The following CD80 variants were observed in gnomAD, a reference collection of about 807,000 sequenced individuals.
CD80 encodes CD80 molecule.
In CD80, 13 loss-of-function variants were observed where a neutral mutation model predicts 27.1. The ratio of observed to expected loss-of-function variants is 0.48; its 90% CI spans 0.31 to 0.76. The LOEUF (loss-of-function observed/expected upper bound fraction) is 0.76. CD80 is among the 30% of genes least tolerant of loss of function. The pLI, the probability that CD80 is intolerant of heterozygous loss-of-function variation, is 0.04. For missense variants in CD80, 277 were observed against 347.9 expected, an observed-to-expected ratio of 0.80 and a Z score of 1.62; for synonymous variants, 125 against 125.5, an observed-to-expected ratio of 1.00 and a Z score of 0.03.
intron 2 of CD80, among the ~76,000 whole-genome samples, chr3:119,547,464 A>C (rs1342155114): frequency 6.6e-6 from 1 of 152,220 alleles, no homozygotes; most frequent in Non-Finnish European, 1.5e-5. Context: ...TACATGCATT[A>C]CAAAACACAT....
intron 2 of CD80, among the ~76,000 whole-genome samples, chr3:119,548,721 A>G (rs2082214071): frequency 6.6e-6 from 1 of 151,912 alleles, no homozygotes; most frequent in Admixed American, 6.6e-5. Context: ...CAGCCCTACC[A>G]CTGAGCCCTT....
chr3:119,547,995 T>G (rs2107746153), intron 2 of CD80, among the ~76,000 whole-genome samples: 1 of 152,000 alleles, frequency 6.6e-6, no homozygotes, highest in Admixed American at 6.6e-5. Context: ...TTTCTTTTTT[T>G]TTTTGAGACG....
chr3:119,528,117 A>C (rs2082088887), intron 5 of CD80, among the ~76,000 whole-genome samples: 1 of 152,186 alleles, frequency 6.6e-6, no homozygotes, highest in African/African-American at 2.4e-5. Flanking sequence ...TACAGTGCAC[A>C]GAACAGCACT....
intron 3 of CD80, among the ~76,000 whole-genome samples, chr3:119,543,413 A>T (rs905895256): frequency 1.2e-4 from 18 of 150,364 alleles, no homozygotes; most frequent in Non-Finnish European, 1.9e-4. Context: ...TTTTTTTTTA[A>T]GACAGAGTCT....
chr3:119,553,436 G>A (rs1284658857), intron 2 of CD80, among the ~76,000 whole-genome samples: 2 of 152,130 alleles, frequency 1.3e-5, no homozygotes, highest in Admixed American at 6.5e-5. Context: ...CACCGTGCCT[G>A]GCTGAATTGT....
intron 3 of CD80, among the ~76,000 whole-genome samples, chr3:119,544,129 C>A (rs1409601890): frequency 1.3e-5 from 2 of 152,132 alleles, no homozygotes; most frequent in Non-Finnish European, 2.9e-5. Flanking sequence ...CTCAAGTGAT[C>A]CGCCTGCCTT....
In CD80 at chr3:119,525,371, T is replaced by C. The variant is rs1473336668; in HGVS notation, c.*417A>G. On this transcript the variant is annotated 3_prime_UTR_variant, in exon 7 of 7. Coordinates refer to ENST00000264246, the MANE Select transcript of CD80 (RefSeq NM_005191.4). ...ACAAATTCTACTTCCAGCAGCACTT[T>C]GCCTGACATATATATGTATATACCA... 1 of 152,212 alleles carries C rather than the reference T, an allele frequency of 6.6e-6. No individual in the cohort carries two copies. The highest frequency in any genetic ancestry group is 2.4e-5 in the African/African-American group (1 of 41,450). 9.4% of individuals were successfully genotyped at this position (152,212 alleles called of 1,614,324 possible).
intron 3 of CD80, among the ~76,000 whole-genome samples, chr3:119,544,085 G>A (rs531298202): frequency 4.6e-5 from 7 of 150,762 alleles, no homozygotes; most frequent in South Asian, 4.2e-4. Flanking sequence ...ACGGAGTTTC[G>A]CTATGTTGGC....
At chr3:119,543,892 T>C (rs1560056523) in intron 3 of CD80, among the ~76,000 whole-genome samples, 1 of 148,120 alleles carries the variant, frequency 6.8e-6, no homozygotes, top group Admixed American at 6.7e-5. Context: ...TTGTTCTTTT[T>C]TTTTTTTTTT....
At chr3:119,539,663 AAG>A (rs748288893) in intron 3 of CD80, among the ~76,000 whole-genome samples, 1 of 152,228 alleles carries the variant, frequency 6.6e-6, no homozygotes, top group African/African-American at 2.4e-5. Context: ...ACATAGGAGA[AAG>A]ATACCTAGCG....
intron 4 of CD80, among the ~76,000 whole-genome samples, chr3:119,536,914 G>A (rs2082142327): frequency 6.6e-6 from 1 of 152,162 alleles, no homozygotes; most frequent in African/African-American, 2.4e-5. Flanking sequence ...ATGGTAACAT[G>A]CTGTACAGGT....
chr3:119,533,136 A>G (rs1049756702), intron 4 of CD80, among the ~76,000 whole-genome samples: 1 of 152,164 alleles, frequency 6.6e-6, no homozygotes, highest in Non-Finnish European at 1.5e-5. Context: ...TTCAACCTAG[A>G]GAGAGTATGT....
chr3:119,556,791 T>C (rs2107749245), intron 2 of CD80, among the ~76,000 whole-genome samples: 1 of 152,252 alleles, frequency 6.6e-6, no homozygotes, highest in Non-Finnish European at 1.5e-5. Context: ...TTCTTTGTTT[T>C]TGGGAAACTG....
At chr3:119,543,992 G>A (rs887384411) in intron 3 of CD80, among the ~76,000 whole-genome samples, 2 of 150,024 alleles carry the variant, frequency 1.3e-5, no homozygotes, top group Non-Finnish European at 3.0e-5. Flanking sequence ...AGGTTCAAGC[G>A]ATTCTCTGCC....
At chr3:119,555,435 T>C (rs1258096695) in intron 2 of CD80, among the ~76,000 whole-genome samples, 1 of 152,242 alleles carries the variant, frequency 6.6e-6, no homozygotes, top group Non-Finnish European at 1.5e-5. Flanking sequence ...CCCCAGGCTA[T>C]TGGTATGTGT....
At chr3:119,543,397 C>CT (rs35045571) in intron 3 of CD80, among the ~76,000 whole-genome samples, 11,554 of 143,698 alleles carry the variant, frequency 0.08, 481 homozygotes, top group Admixed American at 0.097. Context: ...AATTCTCTAA[C>CT]TTTTTTTTTT....
In CD80 at chr3:119,525,498, T is replaced by C. The variant is rs2107737899; in HGVS notation, c.*290A>G. On this transcript the variant is annotated 3_prime_UTR_variant, in exon 7 of 7. Coordinates refer to ENST00000264246, the MANE Select transcript of CD80 (RefSeq NM_005191.4). ...ATAATTCGGGTCACCTCCCTGGGCC[T>C]CAGTGCCTTTGTCATTAATAACACT... is the stretch of plus-strand genomic sequence containing the variant. The C allele has an allele frequency of 6.6e-6, 1 of 152,342 alleles. No homozygotes were observed. Among genetic ancestry groups the C allele is most frequent in the Non-Finnish European group, 1.5e-5 (1 of 68,032 alleles). The allele number at this position is 152,342 out of a possible 1,614,324, so 9.4% of individuals were successfully genotyped here. A position where few individuals can be genotyped will look rare whatever the true frequency, so the allele number is the denominator to read the frequency against.
In CD80 at chr3:119,544,981, G is replaced by A. The variant is rs934830072; in HGVS notation, c.101-114C>T. 11 of 767,756 alleles carry A rather than the reference G, an allele frequency of 1.4e-5. No homozygotes were observed. In the East Asian group the frequency reaches 2.7e-4, roughly 19 times the overall value. The allele number at this position is 767,756 out of a possible 1,614,324, so 47.6% of individuals were successfully genotyped here. ...TTAGGGTGTTGTGTCTAGTGACTAA[G>A]TATCAATCCAGTTTGATTTTTGGGG... is the stretch of plus-strand genomic sequence containing the variant. On this transcript the variant is annotated intron_variant, in intron 2 of 6. Transcript: ENST00000264246.
chr3:119,545,199 G>T (rs2082194222), intron 2 of CD80, among the ~76,000 whole-genome samples: 1 of 152,024 alleles, frequency 6.6e-6, no homozygotes, highest in South Asian at 2.1e-4. Flanking sequence ...CAAAAAATTA[G>T]CCGGGTGTGG....
Sources: allele counts gnomAD v4.1 joint callset (sites outside exome capture counted in the v4.1 genomes callset), GRCh38; gene constraint gnomAD v4.1.1; transcripts MANE v1.5; gene names NCBI Gene and HGNC (gene_info 2026-07-23, HGNC 2026-07-21).